Variants in TSEN2 observed in about 807,000 individuals in gnomAD.
TSEN2 encodes the protein tRNA splicing endonuclease subunit 2.
A neutral mutation model predicts 59.2 loss-of-function variants in TSEN2; 54 were observed. The ratio of observed to expected loss-of-function variants is 0.91; its 90% confidence interval spans 0.73 to 1.14. The LOEUF is 1.14. Ranked by LOEUF, TSEN2 falls within the 50% of genes most tolerant of loss-of-function variation. TSEN2 has a pLI of 0.00. For synonymous variants in TSEN2, 195 were observed against 198.2 expected, an observed-to-expected ratio of 0.98 and a Z score of 0.14; for missense variants, 636 against 576.2, an observed-to-expected ratio of 1.10 and a Z score of -1.06.
chr3:12,500,439 C>A (rs983389707), intron 4 of TSEN2, among the ~76,000 whole-genome samples: 7 of 151,796 alleles, frequency 4.6e-5, no homozygotes, highest in African/African-American at 1.5e-4. Context: ...TGGTATGTGA[C>A]AGAAGGCACA....
intron 6 of TSEN2, among the ~76,000 whole-genome samples, chr3:12,506,990 C>T (rs989005837): frequency 1.1e-4 from 16 of 152,022 alleles, no homozygotes; most frequent in African/African-American, 3.6e-4. Context: ...GTCAGGAGAT[C>T]GAGACCATCC....
chr3:12,491,035 G>T (rs1166525078), intron 2 of TSEN2, among the ~76,000 whole-genome samples: 1 of 152,156 alleles, frequency 6.6e-6, no homozygotes, highest in African/African-American at 2.4e-5. Flanking sequence ...CTGTCACCCA[G>T]ACTAGGGTGC....
upstream of TSEN2, among the ~76,000 whole-genome samples, chr3:12,481,897 A>ATGTATGTGTG (rs2052197437): frequency 1.3e-5 from 2 of 150,114 alleles, no homozygotes; most frequent in Admixed American, 6.6e-5. Flanking sequence ...CAGTTGATAT[A>ATGTATGTGTG]TGTGTGTGTG....
chr3:12,523,523 A>ATTTTTTT (rs1386382924), intron 8 of TSEN2, among the ~76,000 whole-genome samples: 2 of 51,028 alleles, frequency 3.9e-5, no homozygotes, highest in Non-Finnish European at 8.5e-5. Context: ...TTCCTCTTTG[A>ATTTTTTT]TTCTTTTTTT....
chr3:12,530,013 G>A, intron 10 of TSEN2, 140 bp downstream of exon 10: 3 of 1,481,490 alleles, frequency 2.0e-6, no homozygotes, highest in Middle Eastern at 2.0e-4. Flanking sequence ...GAAGATTTGG[G>A]GTCATTCGTA....
At chr3:12,519,749 G>GA (rs559607486) in intron 8 of TSEN2, among the ~76,000 whole-genome samples, 2,454 of 151,472 alleles carry the variant, frequency 0.016, 40 homozygotes, top group South Asian at 0.058. Flanking sequence ...CGTCTCAAAA[G>GA]GAAAAAAAAA....
chr3:12,493,818 G>T (rs1490308421), intron 3 of TSEN2, among the ~76,000 whole-genome samples: 1 of 152,154 alleles, frequency 6.6e-6, no homozygotes, highest in Non-Finnish European at 1.5e-5. Flanking sequence ...AATGGTAAAA[G>T]TTTTTCATTT....
At chr3:12,509,045 C>G (rs1043997290) in intron 6 of TSEN2, among the ~76,000 whole-genome samples, 2 of 151,978 alleles carry the variant, frequency 1.3e-5, no homozygotes, top group Non-Finnish European at 2.9e-5. Flanking sequence ...TAATCAAATG[C>G]TTTTTAATTA....
chr3:12,526,741 T>C (rs542592359), intron 8 of TSEN2, among the ~76,000 whole-genome samples: 1 of 152,324 alleles, frequency 6.6e-6, no homozygotes, highest in African/African-American at 2.4e-5. Context: ...AGTTGTCCCA[T>C]GGTCTTGGCA....
At position 12,519,111 on chromosome 3, in the gene TSEN2, C is replaced by G. The variant is rs145142315; in HGVS notation, c.1013C>G (p.Thr338Arg). The G allele has an allele frequency of 4.8e-4, 776 of 1,614,190 alleles. 2 individuals are homozygous for G. Among genetic ancestry groups the G allele is most frequent in the Middle Eastern group, 2.8e-3 (17 of 6,062 alleles). The change falls in exon 8 of 12, where the codon ACG becomes AGG. Residue 338 changes from threonine to arginine, a missense_variant. Coordinates refer to ENST00000284995, the MANE Select transcript of TSEN2 (RefSeq NM_025265.4). Reference protein sequence around the residue: ...LWKAFTVVQPTFRTTYMAYHY... With the variant: ...LWKAFTVVQPRFRTTYMAYHY... ...AAAGCTTTCACTGTAGTTCAGCCCA[C>G]GTTCAGAACCACCTACATGGCCTAC...
chr3:12,523,597 G>A (rs543100600), intron 8 of TSEN2, among the ~76,000 whole-genome samples: 4 of 134,188 alleles, frequency 3.0e-5, no homozygotes, highest in Non-Finnish European at 4.6e-5. Flanking sequence ...GCAGTGGCAC[G>A]ATCTCGATCT....
downstream of TSEN2, among the ~76,000 whole-genome samples, chr3:12,536,731 T>G (rs2057680647): frequency 6.6e-6 from 1 of 152,166 alleles, no homozygotes; most frequent in Non-Finnish European, 1.5e-5. Context: ...CCAGGCGCGG[T>G]GGCTCATGCC....
intron 8 of TSEN2, among the ~76,000 whole-genome samples, chr3:12,527,180 G>C (rs1345500827): frequency 6.6e-6 from 1 of 152,242 alleles, no homozygotes; most frequent in Non-Finnish European, 1.5e-5. Context: ...AATTTGAGCT[G>C]ACTTGTTGAG....
At chr3:12,524,777 C>CTGT (rs1162435651) in intron 8 of TSEN2, among the ~76,000 whole-genome samples, 5 of 142,972 alleles carry the variant, frequency 3.5e-5, no homozygotes, top group African/African-American at 1.3e-4. Context: ...GAGTGTCGCT[C>CTGT]TGTTGCTCAG....
intron 1 of TSEN2, among the ~76,000 whole-genome samples, chr3:12,485,950 AATATAT>A (rs889468006): frequency 1.3e-5 from 2 of 150,348 alleles, no homozygotes; most frequent in African/African-American, 5.0e-5. Context: ...GAAATTTAAA[AATATAT>A]ATATATAACA....
At chr3:12,485,867 T>C (rs149108144) in intron 1 of TSEN2, among the ~76,000 whole-genome samples, 1 of 152,338 alleles carries the variant, frequency 6.6e-6, no homozygotes, top group East Asian at 1.9e-4. Flanking sequence ...ATGAGGATAG[T>C]ACAGTCAGCT....
chr3:12,481,335 C>T (rs2052191331), upstream of TSEN2, among the ~76,000 whole-genome samples: 1 of 152,102 alleles, frequency 6.6e-6, no homozygotes, highest in Non-Finnish European at 1.5e-5. Flanking sequence ...TTCACTGTCA[C>T]AGTCATCTGC....
chr3:12,530,112 G>C, intron 10 of TSEN2: 1 of 1,403,072 alleles, frequency 7.1e-7, no homozygotes, highest in East Asian at 2.6e-5. Flanking sequence ...CTCCAATGAC[G>C]GAGCTTTGGA....
intron 6 of TSEN2, among the ~76,000 whole-genome samples, chr3:12,505,753 CAGCCTGGGTGACAGAAT>C (rs910949826): frequency 7.3e-6 from 1 of 137,736 alleles, no homozygotes; most frequent in Non-Finnish European, 1.5e-5. Context: ...CATTGCACTC[CAGCCTGGGTGACAGAAT>C]GAAACTCTGT....
Sources: allele counts gnomAD v4.1 joint callset (sites outside exome capture counted in the v4.1 genomes callset), GRCh38; gene constraint gnomAD v4.1.1; transcripts MANE v1.5; gene names NCBI Gene and HGNC (gene_info 2026-07-23, HGNC 2026-07-21).